FREM1: variants seen among roughly 807,000 people sequenced by gnomAD.
FREM1 encodes FRAS1-related extracellular matrix protein 1.
FREM1 carries 220 observed loss-of-function variants against 210.1 expected under a neutral mutation model. The observed-to-expected ratio is 1.05, with a 90% CI of 0.94 to 1.17. The LOEUF (loss-of-function observed/expected upper bound fraction) is 1.17. FREM1 is among the 50% of genes most tolerant of loss of function. FREM1 has a pLI of 0.00. For missense variants in FREM1, 3,454 were observed against 2,675.5 expected, an observed-to-expected ratio of 1.29 and a Z score of -6.42; for synonymous variants, 1,189 against 980.2, an observed-to-expected ratio of 1.21 and a Z score of -3.98.
intron 6 of FREM1, among the ~76,000 whole-genome samples, chr9:14,851,008 T>C (rs1373391634): frequency 6.6e-6 from 1 of 152,232 alleles, no homozygotes; most frequent in East Asian, 1.9e-4. Flanking sequence ...GGCACACTTG[T>C]ATCCTTGCAG....
At chr9:14,758,405 A>G (rs896704157) in intron 28 of FREM1, among the ~76,000 whole-genome samples, 11 of 152,172 alleles carry the variant, frequency 7.2e-5, no homozygotes, top group Non-Finnish European at 1.6e-4. Context: ...TTAGAAAACC[A>G]TCCAGGCAGA....
intron 1 of FREM1, among the ~76,000 whole-genome samples, chr9:14,904,419 G>A (rs569953892): frequency 6.6e-6 from 1 of 152,328 alleles, no homozygotes; most frequent in South Asian, 2.1e-4. Context: ...GATAATCAGA[G>A]CCTGGAATGA....
chr9:14,790,570 A>T (rs551944397), intron 22 of FREM1: 2 of 152,324 alleles, frequency 1.3e-5, no homozygotes, highest in Admixed American at 1.3e-4. Context: ...TCTTGTCTCC[A>T]TGTAATTCCT....
chr9:14,879,556 T>C (rs1047552589), intron 1 of FREM1, among the ~76,000 whole-genome samples: 1 of 152,212 alleles, frequency 6.6e-6, no homozygotes, highest in African/African-American at 2.4e-5. Flanking sequence ...GCAGTGTCCA[T>C]AGTGGAAACT....
intron 1 of FREM1, among the ~76,000 whole-genome samples, chr9:14,889,686 C>A (rs1402036953): frequency 6.6e-6 from 1 of 152,166 alleles, no homozygotes; most frequent in Non-Finnish European, 1.5e-5. Flanking sequence ...GGAGAGGGAG[C>A]CCTCCCTCAG....
rs751681012 is a variant in FREM1 at position 14,819,328 on chromosome 9, C to T, written c.2452G>A (p.Glu818Lys). The T allele has an allele frequency of 1.9e-6, 3 of 1,613,844 alleles. No homozygotes were observed. Among genetic ancestry groups the T allele is most frequent in the African/African-American group, 2.7e-5 (2 of 75,056 alleles). Residue 818 changes from glutamate to lysine, a missense_variant, in exon 14 of 37, where the codon GAA becomes AAA. Physicochemically the swap from Glu to Lys is moderately conservative, Grantham distance 56 (BLOSUM62 1). Transcript: ENST00000380880. ...TCCACCCTTCCGTGCAGAGGCAATT[C>T]CCGCAGGGAGAGGTCAATATTGTCC... Reference protein sequence around the residue: ...KLDNIDLSLRELPLHGRVELN... With the variant: ...KLDNIDLSLRKLPLHGRVELN...
intron 1 of FREM1, among the ~76,000 whole-genome samples, chr9:14,884,783 G>A (rs1391945349): frequency 1.3e-5 from 2 of 152,042 alleles, no homozygotes; most frequent in Non-Finnish European, 2.9e-5. Context: ...TGGTAATGAC[G>A]TGCCTTGATG....
rs761472671 is a variant in FREM1, at chr9:14,859,362, G to C, written c.452C>G (p.Ser151Cys). ...VLEVPEFNGL[S>C]QAIDKNLLRF... Reference sequence around the variant, plus strand: ...GAGCAGATTTTTATCAATCGCTTGGGACAAGCCATTGAATTCAGGCACCTC... The same window carrying C: ...GAGCAGATTTTTATCAATCGCTTGGCACAAGCCATTGAATTCAGGCACCTC... The change falls in exon 4 of 37, where the codon TCC becomes TGC. Residue 151 changes from serine to cysteine, a missense_variant. By Grantham distance (112) the Ser-to-Cys change is moderately radical. Transcript: ENST00000380880. The C allele has an allele frequency of 9.9e-6, 16 of 1,613,732 alleles. No individual in the cohort carries two copies. In the East Asian group the frequency reaches 2.2e-4, roughly 22 times the overall value.
chr9:14,904,313 A>G lies in FREM1; in HGVS notation c.-268+5601T>C, dbSNP rs114405800. Among the ~76,000 whole-genome samples, 789 of 152,256 alleles carry G rather than the reference A, an allele frequency of 5.2e-3. 12 individuals are homozygous for G. Among genetic ancestry groups the G allele is most frequent in the African/African-American group, 0.018 (740 of 41,550 alleles). On this transcript the variant is annotated intron_variant, in intron 1 of 36. Transcript: ENST00000380880. The stretch of plus-strand genomic sequence containing the variant: ...AAACATTTTTCTAAATCTTTAAACA[A>G]AGATATAGAAGACAAGCTTTATCCA...
At chr9:14,833,622 A>G (rs1397539372) in intron 10 of FREM1, among the ~76,000 whole-genome samples, 1 of 152,220 alleles carries the variant, frequency 6.6e-6, no homozygotes, top group African/African-American at 2.4e-5. Context: ...TAACATTCAA[A>G]AGCTGAAAAT....
chr9:14,890,461 C>A (rs546509520), intron 1 of FREM1, among the ~76,000 whole-genome samples: 1 of 152,322 alleles, frequency 6.6e-6, no homozygotes, highest in Admixed American at 6.5e-5. Context: ...ATAATATGAG[C>A]ATATTAAAGA....
intron 1 of FREM1, among the ~76,000 whole-genome samples, chr9:14,872,929 T>C (rs2131943746): frequency 6.6e-6 from 1 of 150,596 alleles, no homozygotes; most frequent in Non-Finnish European, 1.5e-5. Flanking sequence ...GAGATAATCA[T>C]GTGGTTTTTG....
In FREM1 at chr9:14,756,287, T is replaced by C; in HGVS notation, c.5407+87A>G. 3.1e-6 allele frequency: 3 copies of C among 969,726 alleles called. No homozygotes were observed. In the Admixed American group the frequency reaches 7.6e-5, roughly 25 times the overall value. The allele number at this position is 969,726 out of a possible 1,614,324, so 60.1% of individuals were successfully genotyped here. A position where few individuals can be genotyped will look rare whatever the true frequency, so the allele number is the denominator to read the frequency against. On this transcript the variant is annotated intron_variant, in intron 29 of 36. Transcript: ENST00000380880. ...TCTAGTTGGCTAAAGTTGTGTAACA[T>C]TCTATCTTCTCTACAATCTCCAGAC...
At chr9:14,882,513 T>C (rs1834976896) in intron 1 of FREM1, among the ~76,000 whole-genome samples, 1 of 151,080 alleles carries the variant, frequency 6.6e-6, no homozygotes, top group South Asian at 2.1e-4. Context: ...CAGGCTGCAG[T>C]GCAGTAGCAC....
Position 14,797,713 on chromosome 9 carries a change from G to A in FREM1, c.3695-71C>T, listed in dbSNP as rs1158220770. 4 of 1,313,368 alleles carry A rather than the reference G, an allele frequency of 3.0e-6. No individual in the cohort carries two copies. The Admixed American group carries it at 5.3e-5, about 17-fold the overall frequency. 81.4% of individuals were successfully genotyped at this position (1,313,368 alleles called of 1,614,324 possible). ...CATCATGACATATGTCACAGATAAT[G>A]TCTTAATTTTCAAGGCAGGGGTATT... On this transcript the variant is annotated intron_variant, in intron 20 of 36. Transcript: ENST00000380880.
At chr9:14,895,492 A>G (rs1388232545) in intron 1 of FREM1, among the ~76,000 whole-genome samples, 1 of 152,118 alleles carries the variant, frequency 6.6e-6, no homozygotes, top group African/African-American at 2.4e-5. Context: ...AAAAATCTGG[A>G]TCAATATTCT....
intron 7 of FREM1, among the ~76,000 whole-genome samples, chr9:14,848,410 G>C (rs921743468): frequency 6.6e-6 from 1 of 152,122 alleles, no homozygotes; most frequent in Middle Eastern, 3.2e-3. Context: ...CAGTTGAAAA[G>C]TGTCCCTTTG....
At position 14,897,591 on chromosome 9, in the gene FREM1, T is replaced by TTA. The variant is rs1049632175; in HGVS notation, c.-268+12322_-268+12323insTA. On this transcript the variant is annotated intron_variant, in intron 1 of 36. Transcript: ENST00000380880. ...AGGCTTAATCGAACTGTAATGATAA[T>TTA]TTTTTTTTTTTTTTTAAGAGACGGA... 1.6e-4 allele frequency among the ~76,000 whole-genome samples: 3 copies of TTA among 18,852 alleles called. 1 individual carries two copies. Among genetic ancestry groups the TTA allele is most frequent in the African/African-American group, 6.5e-4 (3 of 4,638 alleles). 12.4% of individuals were successfully genotyped at this position (18,852 alleles called of 152,430 possible). A position where few individuals can be genotyped will look rare whatever the true frequency, so the allele number is the denominator to read the frequency against.
chr9:14,902,044 CTA>C (rs1838882246), intron 1 of FREM1, among the ~76,000 whole-genome samples: 1 of 151,302 alleles, frequency 6.6e-6, no homozygotes, highest in South Asian at 2.1e-4. Context: ...TCAGATCTCA[CTA>C]TGTTTCTCAG....
Sources: gnomAD v4.1 joint callset for allele counts (sites outside exome capture counted in the v4.1 genomes callset) on GRCh38, gnomAD v4.1.1 for gene constraint, MANE v1.5 for transcripts, NCBI Gene and HGNC (gene_info 2026-07-23, HGNC 2026-07-21) for gene names.